EXD3: variants seen among roughly 807,000 people sequenced by gnomAD.
The protein encoded by EXD3 is exonuclease 3'-5' domain containing 3, also known as exonuclease mut-7 homolog.
EXD3 carries 92 observed loss-of-function variants against 98.0 expected under a neutral mutation model. That is an observed-to-expected ratio of 0.94 (90% CI 0.79 to 1.12). The LOEUF is 1.12. Ranked by LOEUF, EXD3 falls within the 50% of genes most tolerant of loss-of-function variation. The probability of loss-of-function intolerance (pLI) is 0.00; values close to 1 mark genes in which losing one functional copy is unlikely to be tolerated. For missense variants in EXD3, 1,222 were observed against 1,191.6 expected (o/e 1.03, Z -0.38); for synonymous variants, 569 against 526.0 (o/e 1.08, Z -1.12).
intron 2 of EXD3, among the ~76,000 whole-genome samples, chr9:137,384,582 A>G (rs55680603): frequency 0.024 from 3,600 of 152,352 alleles, 132 homozygotes; most frequent in African/African-American, 0.082. Context: ...CATCCAATGC[A>G]GAAGGAAAAC....
intron 2 of EXD3, among the ~76,000 whole-genome samples, chr9:137,389,131 C>T (rs1160400711): frequency 6.6e-6 from 1 of 152,192 alleles, no homozygotes; most frequent in Non-Finnish European, 1.5e-5. Flanking sequence ...CCCCTCCAGC[C>T]CAACCGTCTC....
At chr9:137,341,312 C>T (rs1177799379) in intron 17 of EXD3, among the ~76,000 whole-genome samples, 1 of 152,014 alleles carries the variant, frequency 6.6e-6, no homozygotes, top group Non-Finnish European at 1.5e-5. Flanking sequence ...GACCCTGTCT[C>T]AAAAAAAGAA....
intron 20 of EXD3, among the ~76,000 whole-genome samples, chr9:137,309,224 G>C (rs550950752): frequency 7.9e-4 from 121 of 152,330 alleles, no homozygotes; most frequent in Non-Finnish European, 1.3e-3. Context: ...GCCTTCCCTG[G>C]GGGGGTGGAC....
At chr9:137,352,869 C>T (rs938817113) in intron 10 of EXD3, 83 bp from the exon 11 acceptor site, 35 of 1,489,424 alleles carry the variant, frequency 2.3e-5, no homozygotes, top group African/African-American at 4.3e-5. Context: ...CCGTAGACCC[C>T]GACCTTGCAG....
chr9:137,354,492 C>T, intron 9 of EXD3, 115 bp from the exon 10 acceptor site: 7 of 1,553,032 alleles, frequency 4.5e-6, no homozygotes, highest in Non-Finnish European at 6.1e-6. Flanking sequence ...AGCCCAGGTG[C>T]TCACCCGCCC....
At chr9:137,414,344 C>T (rs544006295) in intron 1 of EXD3, among the ~76,000 whole-genome samples, 18 of 152,236 alleles carry the variant, frequency 1.2e-4, no homozygotes, top group Non-Finnish European at 1.6e-4. Context: ...GCACAGACCA[C>T]GGGCTGTTTG....
At chr9:137,375,135 T>A (rs570852720) in intron 3 of EXD3, among the ~76,000 whole-genome samples, 19 of 152,220 alleles carry the variant, frequency 1.2e-4, no homozygotes, top group African/African-American at 4.1e-4. Flanking sequence ...CAGCCTCCCG[T>A]GTAGCTGGGA....
chr9:137,378,713 A>G (rs1836040741), intron 3 of EXD3, among the ~76,000 whole-genome samples: 1 of 152,266 alleles, frequency 6.6e-6, no homozygotes, highest in South Asian at 2.1e-4. Flanking sequence ...ACAAGCCTTG[A>G]TATCGTGCTA....
At chr9:137,396,948 G>T (rs1837243828) in intron 1 of EXD3, among the ~76,000 whole-genome samples, 1 of 152,262 alleles carries the variant, frequency 6.6e-6, no homozygotes, top group South Asian at 2.1e-4. Flanking sequence ...TGGAGCCTGG[G>T]CTGGGCACAG....
chr9:137,387,453 G>T (rs528874868), intron 2 of EXD3, among the ~76,000 whole-genome samples: 1 of 152,176 alleles, frequency 6.6e-6, no homozygotes, highest in Non-Finnish European at 1.5e-5. Context: ...GCTCAGACAC[G>T]GCCATGCTGA....
chr9:137,328,614 ACACGGGACTACACGGGACTACACGGGG>A (rs1832654073), intron 17 of EXD3, among the ~76,000 whole-genome samples: 2 of 83,354 alleles, frequency 2.4e-5, no homozygotes, highest in Non-Finnish European at 4.5e-5. Context: ...ACACGGGGCT[ACACGGGACTACACGGGACTACACGGGG>A]CTACACGGGA....
chr9:137,317,772 G>C (rs1256587335), intron 19 of EXD3, among the ~76,000 whole-genome samples: 1 of 152,112 alleles, frequency 6.6e-6, no homozygotes, highest in Non-Finnish European at 1.5e-5. Context: ...CCCCAGCCTG[G>C]GTGTCGTGCT....
intron 16 of EXD3, 30 bp from the exon 17 acceptor site, chr9:137,348,268 C>T (rs377232401): frequency 4.2e-5 from 68 of 1,600,428 alleles, no homozygotes; most frequent in South Asian, 8.9e-5. Context: ...AGCAGTCCCA[C>T]GGTCACCCCC....
At position 137,372,917 on chromosome 9, in the gene EXD3, G is replaced by A. The variant is rs373643689; in HGVS notation, c.450C>T (p.Gly150=). Residue 150 remains glycine (G), a synonymous_variant, in exon 5 of 22, where the codon GGC becomes GGT. Coordinates refer to ENST00000340951, the MANE Select transcript of EXD3 (RefSeq NM_017820.5). The part of the protein sequence containing the change: ...LAHVHRLHHE[G]RFREAATLGA... ...GTGGGCCACTCACTTCTCTGAACCT[G>A]CCCTCGTGGTGGAGGCGGTGGACGT... 6.3e-7 allele frequency: 1 copy of A among 1,599,216 alleles called. No homozygotes were observed. The highest frequency in any genetic ancestry group is 8.5e-7 in the Non-Finnish European group (1 of 1,179,660).
At position 137,412,855 on chromosome 9, in the gene EXD3, G is replaced by A. The variant is rs139696019; in HGVS notation, c.-48+10259C>T. Reference sequence around the variant, plus strand: ...TGCGGTGGGGCGATCACGGCTCACGGCAGCCTCAATCTCCAGGGCTCAAAC... The same window carrying A: ...TGCGGTGGGGCGATCACGGCTCACGACAGCCTCAATCTCCAGGGCTCAAAC... On this transcript the variant is annotated intron_variant, in intron 1 of 21. Coordinates refer to ENST00000340951, the MANE Select transcript of EXD3 (RefSeq NM_017820.5). 3.9e-5 allele frequency among the ~76,000 whole-genome samples: 6 copies of A among 152,180 alleles called. No individual in the cohort carries two copies. In the East Asian group the frequency reaches 9.7e-4, roughly 25 times the overall value.
rs531980329 is a variant in EXD3 at position 137,371,480 on chromosome 9, G to A, written c.462+1425C>T. ...CCAATGCACCTCCTCACGGTGAGGG[G>A]TCTTGCTGGGAAGAGGAACCCAGGG... On this transcript the variant is annotated intron_variant, in intron 5 of 21. Transcript: ENST00000340951. The surrounding 1 kb of genome is among the most constrained non-coding windows in gnomAD (Gnocchi z 8.0). 4.6e-5 allele frequency among the ~76,000 whole-genome samples: 7 copies of A among 152,262 alleles called. No homozygotes were observed. The highest frequency in any genetic ancestry group is 1.7e-4 in the African/African-American group (7 of 41,550).
intron 17 of EXD3, among the ~76,000 whole-genome samples, chr9:137,330,805 G>A (rs1833032966): frequency 6.6e-6 from 1 of 152,184 alleles, no homozygotes; most frequent in Non-Finnish European, 1.5e-5. Flanking sequence ...CCCAATTAAA[G>A]AACAAGGAAA....
chr9:137,339,960 A>G (rs922563954), intron 17 of EXD3, among the ~76,000 whole-genome samples: 23 of 152,350 alleles, frequency 1.5e-4, no homozygotes, highest in Non-Finnish European at 1.8e-4. Flanking sequence ...TAGTTTGCAG[A>G]TGACGTGTAC....
rs552896599 is a variant in EXD3 at position 137,397,902 on chromosome 9, C to A, written c.-47-2498G>T. ...AGGCTGCAGTGAGCCGAGATCGCAC[C>A]ACTGCCTTCCAACCTGCATGACAGA... On this transcript the variant is annotated intron_variant, in intron 1 of 21. Coordinates refer to ENST00000340951, the MANE Select transcript of EXD3 (RefSeq NM_017820.5). 2.0e-5 allele frequency among the ~76,000 whole-genome samples: 3 copies of A among 152,138 alleles called. No individual in the cohort carries two copies. In the East Asian group the frequency reaches 5.8e-4, roughly 29 times the overall value.
Sources: allele counts gnomAD v4.1 joint callset (sites outside exome capture counted in the v4.1 genomes callset), GRCh38; gene constraint gnomAD v4.1.1; non-coding constraint Gnocchi (gnomAD v3.1); transcripts MANE v1.5; gene names NCBI Gene and HGNC (gene_info 2026-07-23, HGNC 2026-07-21).